Variants in RELN observed in about 807,000 individuals in gnomAD.
RELN encodes reelin.
Under a neutral mutation model 427.6 loss-of-function variants are expected in RELN, and 108 were observed. That is an observed-to-expected ratio of 0.25 (90% CI 0.22 to 0.30). The LOEUF (loss-of-function observed/expected upper bound fraction) is 0.30, where lower values mean the gene tolerates loss of function less well. Ranked by LOEUF, RELN falls within the 10% of genes least tolerant of loss-of-function variation. The probability of loss-of-function intolerance (pLI) is 1.00; values close to 1 mark genes in which losing one functional copy is unlikely to be tolerated. For missense variants in RELN, 3,715 were observed against 4,302.8 expected, an observed-to-expected ratio of 0.86 and a Z score of 3.82; for synonymous variants, 1,524 against 1,513.4, an observed-to-expected ratio of 1.01 and a Z score of -0.16.
intron 20 of RELN, among the ~76,000 whole-genome samples, chr7:103,624,884 TA>T (rs1046559490): frequency 2.6e-5 from 4 of 151,992 alleles, no homozygotes; most frequent in Non-Finnish European, 4.4e-5. Context: ...AAGCTTTAAT[TA>T]AAAAAAATAA....
chr7:103,916,711 A>G (rs1795489268), intron 2 of RELN, among the ~76,000 whole-genome samples: 1 of 152,342 alleles, frequency 6.6e-6, no homozygotes, highest in East Asian at 1.9e-4. Flanking sequence ...ATTAACCATA[A>G]TATTTTAAGA....
At chr7:103,748,285 A>G (rs1191681101) in intron 6 of RELN, among the ~76,000 whole-genome samples, 1 of 152,014 alleles carries the variant, frequency 6.6e-6, no homozygotes, top group Non-Finnish European at 1.5e-5. Context: ...CTTTCTGGCT[A>G]GCCTGATAAT....
chr7:103,495,477 T>A (rs998804901), intron 57 of RELN, among the ~76,000 whole-genome samples: 7 of 152,126 alleles, frequency 4.6e-5, no homozygotes, highest in Admixed American at 4.6e-4. Context: ...GGCCTGCAAT[T>A]ACTTTTGCAC....
intron 2 of RELN, among the ~76,000 whole-genome samples, chr7:103,913,489 C>T (rs62481168): frequency 6.6e-6 from 1 of 152,118 alleles, no homozygotes; most frequent in South Asian, 2.1e-4. Flanking sequence ...TTCAATAACT[C>T]TTTTGTTCTA....
chr7:103,500,473 T>C (rs1828989541), intron 53 of RELN, among the ~76,000 whole-genome samples: 1 of 152,092 alleles, frequency 6.6e-6, no homozygotes. Flanking sequence ...AAAAATAGTC[T>C]GCTTAAGAAA....
At position 103,590,566 on chromosome 7, in the gene RELN, A is replaced by AATCAATC. The variant is rs1562909058; in HGVS notation, c.3913-739_3913-738insGATTGAT. Among the ~76,000 whole-genome samples, 65 of 147,882 alleles carry AATCAATC rather than the reference A, an allele frequency of 4.4e-4. 1 individual carries two copies. Among genetic ancestry groups the AATCAATC allele is most frequent in the African/African-American group, 1.6e-3 (65 of 39,912 alleles). ...CAGAGCCAGACTCCATCTCAACAAT[A>AATCAATC]AATAAATAAATAAATAAATAAATAA... On this transcript the variant is annotated intron_variant, in intron 27 of 64. Transcript: ENST00000428762.
chr7:103,509,826 C>A (rs1010868943), intron 51 of RELN, among the ~76,000 whole-genome samples: 1 of 151,800 alleles, frequency 6.6e-6, no homozygotes, highest in African/African-American at 2.4e-5. Flanking sequence ...AAAAAGTGGT[C>A]GAAGGATATG....
In RELN at chr7:103,593,920, G is replaced by C. The variant is rs375226526; in HGVS notation, c.3712-38C>G. ...ATACAAATAAAACAAAAGGCAATTT[G>C]ATAGCTTTGAAAACAAGAAAGGAAT... On this transcript the variant is annotated intron_variant, in intron 26 of 64. Transcript: ENST00000428762. 2.3e-4 allele frequency: 338 copies of C among 1,485,176 alleles called. 2 individuals carry two copies. In the South Asian group the frequency reaches 2.4e-3, roughly 11 times the overall value. 92.0% of individuals were successfully genotyped at this position (1,485,176 alleles called of 1,614,324 possible).
intron 6 of RELN, among the ~76,000 whole-genome samples, chr7:103,747,673 A>T (rs1447477826): frequency 1.3e-5 from 2 of 149,528 alleles, no homozygotes; most frequent in African/African-American, 4.9e-5. Context: ...GGAATCTTAA[A>T]GAGGCTAAAT....
chr7:103,511,402 A>G (rs1829409406), intron 50 of RELN, among the ~76,000 whole-genome samples: 1 of 152,210 alleles, frequency 6.6e-6, no homozygotes, highest in Non-Finnish European at 1.5e-5. Flanking sequence ...GGAAAGAATC[A>G]TGAAGAATCA....
Position 103,566,323 on chromosome 7 carries a change from A to G in RELN, c.4837T>C (p.Ser1613Pro). ...TACCAGTTGGCTTGCAAATCTATAG[A>G]GCCATCAAATTTGTCTTGAAATCCA... is the stretch of plus-strand genomic sequence containing the variant. ...QTGFQDKFDG[S>P]IDLQANWYRI... Residue 1613 changes from serine (S) to proline (P), a missense_variant, in exon 33 of 65, where the codon TCT becomes CCT. Physicochemically the swap from Ser to Pro is moderately conservative, Grantham distance 74. Coordinates refer to ENST00000428762, the MANE Select transcript of RELN (RefSeq NM_005045.4). 1 of 1,614,086 alleles carries G rather than the reference A, an allele frequency of 6.2e-7. No individual in the cohort carries two copies. Among genetic ancestry groups the G allele is most frequent in the Non-Finnish European group, 8.5e-7 (1 of 1,179,984 alleles).
chr7:103,587,080 T>G (rs573232627), intron 28 of RELN, among the ~76,000 whole-genome samples: 31 of 152,104 alleles, frequency 2.0e-4, no homozygotes, highest in African/African-American at 7.0e-4. Flanking sequence ...GCCAAAGCAA[T>G]CCTAAACAAA....
In RELN at chr7:103,603,477, A is replaced by G. The variant is rs962855571; in HGVS notation, c.3160T>C (p.Tyr1054His). Reference protein sequence around the residue: ...DHGICRCDQGYQGTECHPEAA... With the variant: ...DHGICRCDQGHQGTECHPEAA... ...TCTGGGTGGCATTCAGTGCCTTGGTACCCCTGGTCACACCTATGAGAGAGC... is the reference window on the plus strand; with the variant it reads ...TCTGGGTGGCATTCAGTGCCTTGGTGCCCCTGGTCACACCTATGAGAGAGC... Residue 1054 changes from tyrosine to histidine, a missense_variant, in exon 24 of 65, where the codon TAC becomes CAC. Around this residue, in one of 4 missense-constraint regions of RELN, gnomAD observed 2,208 missense variants for 2,361.7 expected, o/e 0.93. Transcript: ENST00000428762. The surrounding 1 kb of genome is among the most constrained non-coding windows in gnomAD (Gnocchi z 4.3). The G allele has an allele frequency of 6.2e-7, 1 of 1,613,606 alleles. No homozygotes were observed. Among genetic ancestry groups the G allele is most frequent in the Non-Finnish European group, 8.5e-7 (1 of 1,179,774 alleles).
chr7:103,836,699 C>G (rs1301787174), intron 2 of RELN, among the ~76,000 whole-genome samples: 1 of 152,192 alleles, frequency 6.6e-6, no homozygotes, highest in Non-Finnish European at 1.5e-5. Flanking sequence ...CCTGACAGAT[C>G]CTACATGAAG....
At chr7:103,856,064 T>C (rs1338420725) in intron 2 of RELN, among the ~76,000 whole-genome samples, 4 of 152,090 alleles carry the variant, frequency 2.6e-5, no homozygotes. Flanking sequence ...AGTTTGACAG[T>C]GAAAGCATGA....
chr7:103,474,615 A>T (rs913178501), intron 64 of RELN, among the ~76,000 whole-genome samples: 5 of 152,240 alleles, frequency 3.3e-5, no homozygotes, highest in African/African-American at 1.2e-4. Flanking sequence ...AGTTACAAAA[A>T]AACCCCCAAG....
intron 8 of RELN, among the ~76,000 whole-genome samples, chr7:103,717,812 T>C (rs1377143947): frequency 6.6e-6 from 1 of 152,064 alleles, no homozygotes; most frequent in East Asian, 1.9e-4. Flanking sequence ...ATTTTAAATA[T>C]ATTTCAGTAA....
At chr7:103,870,475 T>C (rs1422194449) in intron 2 of RELN, among the ~76,000 whole-genome samples, 1 of 152,004 alleles carries the variant, frequency 6.6e-6, no homozygotes, top group East Asian at 1.9e-4. Context: ...GCCCAGTGAA[T>C]TTCCTAGGTC....
At chr7:103,935,951 GTCTC>G (rs562110184) in intron 1 of RELN, among the ~76,000 whole-genome samples, 1 of 151,722 alleles carries the variant, frequency 6.6e-6, no homozygotes, top group Non-Finnish European at 1.5e-5. Context: ...CCTTTAACAT[GTCTC>G]TCTCTCTCTT....
Sources: gnomAD v4.1 joint callset for allele counts (sites outside exome capture counted in the v4.1 genomes callset) on GRCh38, gnomAD v4.1.1 for gene constraint, gnomAD v4.1.1 regional missense constraint, Gnocchi (gnomAD v3.1) non-coding constraint, MANE v1.5 for transcripts, NCBI Gene and HGNC (gene_info 2026-07-23, HGNC 2026-07-21) for gene names.